LOXL2: variants seen among roughly 807,000 people sequenced by gnomAD.
LOXL2 encodes the protein lysyl oxidase homolog 2.
Under a neutral mutation model 93.0 loss-of-function variants are expected in LOXL2, and 70 were observed. The ratio of observed to expected loss-of-function variants is 0.75; its 90% CI spans 0.62 to 0.92. The LOEUF is 0.92. Among genes scored for constraint, LOXL2 ranks in the 40% least tolerant of loss-of-function variants. LOXL2 has a pLI of 0.00. For missense variants in LOXL2, 973 were observed against 1,054.9 expected, an observed-to-expected ratio of 0.92 and a Z score of 1.08; for synonymous variants, 438 against 413.2, an observed-to-expected ratio of 1.06 and a Z score of -0.73.
At chr8:23,298,213 G>A in intron 13 of LOXL2, 91 bp from the exon 14 acceptor site, 2 of 899,596 alleles carry the variant, frequency 2.2e-6, no homozygotes, top group East Asian at 2.5e-5. Flanking sequence ...CTCAGGGGCT[G>A]CTGGGGCCAC....
intron 8 of LOXL2, among the ~76,000 whole-genome samples, chr8:23,318,152 A>G (rs1333835807): frequency 1.3e-5 from 2 of 148,244 alleles, no homozygotes; most frequent in Non-Finnish European, 3.0e-5. Context: ...TTCTTATCCA[A>G]TCGGTTGAGG....
At chr8:23,305,369 C>CA (rs1237503439) in intron 10 of LOXL2, among the ~76,000 whole-genome samples, 1 of 152,224 alleles carries the variant, frequency 6.6e-6, no homozygotes, top group African/African-American at 2.4e-5. Flanking sequence ...CTCAGGGGAG[C>CA]AGCTGGTTTC....
intron 2 of LOXL2, among the ~76,000 whole-genome samples, chr8:23,367,478 G>C (rs891959927): frequency 6.6e-6 from 1 of 152,326 alleles, no homozygotes; most frequent in South Asian, 2.1e-4. Context: ...ACAATAGCAG[G>C]TTAGTGTGAA....
chr8:23,305,243 CAG>C (rs1803211279), intron 10 of LOXL2, among the ~76,000 whole-genome samples: 2 of 152,216 alleles, frequency 1.3e-5, no homozygotes, highest in African/African-American at 4.8e-5. Flanking sequence ...GTTGTCTAAA[CAG>C]AATTCAGACG....
Position 23,342,669 on chromosome 8 carries a change from G to C in LOXL2, c.532-1466C>G, listed in dbSNP as rs1031491095. 2.6e-5 allele frequency among the ~76,000 whole-genome samples: 4 copies of C among 152,132 alleles called. No homozygotes were observed. The South Asian group carries it at 6.2e-4, about 24-fold the overall frequency. ...GATGGTCTCGATTTCCTGACCTCAT[G>C]ATCAGCCCGCCTTGGCCTCACAAAG... On this transcript the variant is annotated intron_variant, in intron 3 of 13. Transcript: ENST00000389131.
In LOXL2 at chr8:23,333,531, G is replaced by T. The variant is rs1455975161; in HGVS notation, c.836C>A (p.Pro279His). 6.2e-7 allele frequency: 1 copy of T among 1,613,894 alleles called. No individual in the cohort carries two copies. Among genetic ancestry groups the T allele is most frequent in the East Asian group, 2.2e-5 (1 of 44,904 alleles). ...CTTCATGGGGTCCAGTGACACCTGG[G>T]GGCCCAGCTTGCAGCTGGAGATGTG... ...EAHISSCKLG[P>H]QVSLDPMKNV... The change falls in exon 5 of 14, where the codon CCC becomes CAC. Residue 279 changes from proline to histidine, a missense_variant. By Grantham distance (77) the Pro-to-His change is moderately conservative (BLOSUM62 -2). Coordinates refer to ENST00000389131, the MANE Select transcript of LOXL2 (RefSeq NM_002318.3).
At chr8:23,368,561 C>A in intron 1 of LOXL2, 127 bp from the exon 2 acceptor site, 1 of 590,584 alleles carries the variant, frequency 1.7e-6, no homozygotes, top group Admixed American at 2.9e-5. Flanking sequence ...CAATCCAGCC[C>A]CACTCCTACA....
chr8:23,316,164 G>A (rs2117153336), intron 9 of LOXL2, among the ~76,000 whole-genome samples: 1 of 152,334 alleles, frequency 6.6e-6, no homozygotes, highest in African/African-American at 2.4e-5. Flanking sequence ...GGATGACAGT[G>A]CATCTTTGTT....
chr8:23,354,674 A>G (rs1804156127), intron 3 of LOXL2, among the ~76,000 whole-genome samples: 1 of 150,918 alleles, frequency 6.6e-6, no homozygotes, highest in Non-Finnish European at 1.5e-5. Context: ...GGCACACACT[A>G]TGTGGGATGA....
At chr8:23,351,054 T>A (rs939927185) in intron 3 of LOXL2, among the ~76,000 whole-genome samples, 1 of 152,288 alleles carries the variant, frequency 6.6e-6, no homozygotes, top group African/African-American at 2.4e-5. Flanking sequence ...CATGAGACTG[T>A]TTCTCCACTG....
intron 2 of LOXL2, 134 bp from the exon 3 acceptor site, chr8:23,360,399 T>C: frequency 1.6e-6 from 1 of 618,420 alleles, no homozygotes; most frequent in Non-Finnish European, 2.8e-6. Flanking sequence ...TCCATTTTTA[T>C]TATATTAAGA....
rs190837550 is a variant in LOXL2, at chr8:23,361,765, G to A, written c.356-1500C>T. 6.4e-3 allele frequency among the ~76,000 whole-genome samples: 972 copies of A among 152,160 alleles called. 5 individuals carry two copies. The highest frequency in any genetic ancestry group is 0.019 in the African/African-American group (797 of 41,498). ...CTGAGGCAGAGAATCGCTTGAACCC[G>A]GGAGACAGAGGTTGCAGTGAGCTGA... On this transcript the variant is annotated intron_variant, in intron 2 of 13. Coordinates refer to ENST00000389131, the MANE Select transcript of LOXL2 (RefSeq NM_002318.3).
intron 1 of LOXL2, among the ~76,000 whole-genome samples, chr8:23,393,402 T>C (rs1800041474): frequency 6.6e-6 from 1 of 152,256 alleles, no homozygotes; most frequent in South Asian, 2.1e-4. Flanking sequence ...TAAACTCATA[T>C]ATCTATGGTC....
At chr8:23,312,041 A>C (rs1446233926) in intron 9 of LOXL2, among the ~76,000 whole-genome samples, 1 of 152,236 alleles carries the variant, frequency 6.6e-6, no homozygotes, top group Admixed American at 6.5e-5. Context: ...AATAAACTAG[A>C]AATCTAGAAG....
chr8:23,315,249 G>A (rs953277815), intron 9 of LOXL2, among the ~76,000 whole-genome samples: 1 of 152,184 alleles, frequency 6.6e-6, no homozygotes, highest in African/African-American at 2.4e-5. Flanking sequence ...GGGGGTGGTG[G>A]GGAAGAGGGA....
chr8:23,366,480 G>A (rs923498917), intron 2 of LOXL2, among the ~76,000 whole-genome samples: 6 of 152,232 alleles, frequency 3.9e-5, no homozygotes, highest in Admixed American at 3.3e-4. Context: ...TTGGAAGGGA[G>A]GATAACAGTT....
At chr8:23,335,243 C>T (rs1004509308) in intron 4 of LOXL2, among the ~76,000 whole-genome samples, 3 of 152,082 alleles carry the variant, frequency 2.0e-5, no homozygotes, top group African/African-American at 7.2e-5. Context: ...GAGGCTAGAA[C>T]TCTGGAGAAG....
intron 7 of LOXL2, among the ~76,000 whole-genome samples, 177 bp from the exon 8 acceptor site, chr8:23,320,229 A>AAG (rs1803472723): frequency 6.6e-6 from 1 of 152,130 alleles, no homozygotes; most frequent in East Asian, 1.9e-4. Flanking sequence ...GCATGGTCTT[A>AAG]TAGTGAGGTC....
In LOXL2 at chr8:23,309,827, G is replaced by T; in HGVS notation, c.1721C>A (p.Ala574Asp). 1 of 1,600,794 alleles carries T rather than the reference G, an allele frequency of 6.2e-7. No individual in the cohort carries two copies. Among genetic ancestry groups the T allele is most frequent in the Non-Finnish European group, 8.5e-7 (1 of 1,173,626 alleles). ...GGCCGAGAGGCAGTTCTCCTCCATG[G>T]CACACTGCAGCATGAACATGGGCCG... is the stretch of plus-strand genomic sequence containing the variant. ...EDRPMFMLQC[A>D]MEENCLSASA... Residue 574 changes from alanine (A) to aspartate (D), a missense_variant, in exon 10 of 14, where the codon GCC becomes GAC. Ala to Asp is a moderately radical substitution (Grantham distance 126). Transcript: ENST00000389131.
Sources: gnomAD v4.1 joint callset for allele counts (sites outside exome capture counted in the v4.1 genomes callset) on GRCh38, gnomAD v4.1.1 for gene constraint, MANE v1.5 for transcripts, NCBI Gene and HGNC (gene_info 2026-07-23, HGNC 2026-07-21) for gene names.